The following SWAP70 variants were observed in gnomAD, a reference collection of about 807,000 sequenced individuals.
SWAP70 encodes switch-associated protein 70.
In SWAP70, 34 loss-of-function variants were observed where a neutral mutation model predicts 80.2. The ratio of observed to expected loss-of-function variants is 0.42; its 90% CI spans 0.32 to 0.56. The LOEUF (loss-of-function observed/expected upper bound fraction) is 0.56. Ranked by LOEUF, SWAP70 falls within the 20% of genes least tolerant of loss-of-function variation. The pLI is 0.09. For missense variants in SWAP70, 578 were observed against 690.7 expected, an observed-to-expected ratio of 0.84 and a Z score of 1.83; for synonymous variants, 239 against 238.5, an observed-to-expected ratio of 1.00 and a Z score of -0.02.
At chr11:9,679,299 G>T (rs1269252432) in intron 1 of SWAP70, among the ~76,000 whole-genome samples, 1 of 152,208 alleles carries the variant, frequency 6.6e-6, no homozygotes, top group African/African-American at 2.4e-5. Context: ...CGCTAGTTAG[G>T]ATGAAAGTTG....
intron 2 of SWAP70, among the ~76,000 whole-genome samples, chr11:9,704,640 G>C (rs1452399435): frequency 6.6e-6 from 1 of 152,106 alleles, no homozygotes. Flanking sequence ...TCATCTGCCT[G>C]CCTTGGACTC....
chr11:9,695,449 A>T (rs2134449182), intron 2 of SWAP70, among the ~76,000 whole-genome samples: 1 of 152,244 alleles, frequency 6.6e-6, no homozygotes, highest in South Asian at 2.1e-4. Flanking sequence ...CCTAAAAAAG[A>T]GTGAGATCAT....
chr11:9,680,298 C>T (rs1850551278), intron 1 of SWAP70, among the ~76,000 whole-genome samples: 1 of 152,156 alleles, frequency 6.6e-6, no homozygotes, highest in African/African-American at 2.4e-5. Context: ...AGCCAGTAGC[C>T]ACGTTTGGCT....
intron 2 of SWAP70, among the ~76,000 whole-genome samples, chr11:9,713,199 C>T (rs1266740444): frequency 6.6e-6 from 1 of 152,190 alleles, no homozygotes; most frequent in East Asian, 1.9e-4. Flanking sequence ...AGTGTGTACA[C>T]ATGAAACGGT....
chr11:9,681,610 G>A (rs915693329), intron 1 of SWAP70, among the ~76,000 whole-genome samples: 4 of 152,182 alleles, frequency 2.6e-5, no homozygotes, highest in African/African-American at 7.2e-5. Flanking sequence ...GTTGGTGAGT[G>A]TGGGTCAGTA....
rs1205306684 is a variant in SWAP70 at position 9,725,551 on chromosome 11, ATATATATATATATATATATTT to A, written c.642+668_642+688del. On this transcript the variant is annotated intron_variant, in intron 4 of 11. Transcript: ENST00000318950. ...ACAAAATATATATATATATATATATATATATATATATATATATATTTTTTTTTTTTTTTTTTTCCAAGACGG... is the reference window on the plus strand; with the variant it reads ...ACAAAATATATATATATATATATATATTTTTTTTTTTTTTTTCCAAGACGG... 9.2e-3 allele frequency among the ~76,000 whole-genome samples: 509 copies of A among 55,172 alleles called. 16 individuals are homozygous for A. The highest frequency in any genetic ancestry group is 0.014 in the African/African-American group (167 of 12,310). 36.2% of individuals were successfully genotyped at this position (55,172 alleles called of 152,430 possible). A position where few individuals can be genotyped will look rare whatever the true frequency, so the allele number is the denominator to read the frequency against.
chr11:9,672,099 TTATAA>T (rs918348915), intron 1 of SWAP70, among the ~76,000 whole-genome samples: 46 of 128,040 alleles, frequency 3.6e-4, no homozygotes, highest in Non-Finnish European at 4.9e-4. Flanking sequence ...TTAAATATAA[TTATAA>T]TATAATATAA....
rs951775673 is a variant in SWAP70 at position 9,732,717 on chromosome 11, A to C, written c.1080+7A>C. ...GCTGGAGGCCGTGCGGAAGGTGGGA[A>C]TGGGCGCTGGGCTGGGAGAGGGCCC... On this transcript the variant is annotated splice_region_variant and intron_variant, in intron 7 of 11. Transcript: ENST00000318950. 1 of 1,543,366 alleles carries C rather than the reference A, an allele frequency of 6.5e-7. No individual in the cohort carries two copies.
chr11:9,732,839 G>C (rs1851318099), intron 7 of SWAP70, 129 bp downstream of exon 7: 7 of 854,686 alleles, frequency 8.2e-6, no homozygotes, highest in Non-Finnish European at 1.2e-5. Flanking sequence ...GTGGTGAACT[G>C]TTCTCAGAAG....
intron 1 of SWAP70, among the ~76,000 whole-genome samples, chr11:9,675,320 CGAGA>C (rs111414369): frequency 6.4e-5 from 2 of 31,490 alleles, no homozygotes; most frequent in African/African-American, 1.3e-4. Context: ...AGAGAGGGAG[CGAGA>C]GAGAGAGAGA....
intron 1 of SWAP70, among the ~76,000 whole-genome samples, chr11:9,686,344 C>CCTATTTATTTATTTAT (rs1850631779): frequency 7.0e-6 from 1 of 143,830 alleles, no homozygotes. Flanking sequence ...CTTTTATTTT[C>CCTATTTATTTATTTAT]TTATTTATTT....
At chr11:9,667,720 G>A (rs1441393950) in intron 1 of SWAP70, among the ~76,000 whole-genome samples, 2 of 152,010 alleles carry the variant, frequency 1.3e-5, no homozygotes, top group Middle Eastern at 3.4e-3. Context: ...AGGCCACTAT[G>A]CCCAGCTAAT....
intron 7 of SWAP70, 65 bp from the exon 8 acceptor site, chr11:9,738,148 C>T: frequency 8.9e-7 from 1 of 1,119,798 alleles, no homozygotes; most frequent in Admixed American, 2.8e-5. Flanking sequence ...ATGACTGTCT[C>T]TCTCTCTTTA....
intron 1 of SWAP70, among the ~76,000 whole-genome samples, chr11:9,687,249 A>T (rs1308597402): frequency 6.6e-6 from 1 of 152,232 alleles, no homozygotes; most frequent in Non-Finnish European, 1.5e-5. Context: ...CACAATAACC[A>T]TATTTAAAGG....
At chr11:9,675,646 C>T (rs920258404) in intron 1 of SWAP70, among the ~76,000 whole-genome samples, 1 of 151,930 alleles carries the variant, frequency 6.6e-6, no homozygotes, top group African/African-American at 2.4e-5. Flanking sequence ...AGCCCTCCTC[C>T]GCACACCACC....
At chr11:9,705,639 TA>T (rs566882186) in intron 2 of SWAP70, among the ~76,000 whole-genome samples, 1,796 of 143,888 alleles carry the variant, frequency 0.012, 239 homozygotes, top group African/African-American at 0.048. Flanking sequence ...GTGATCTGTA[TA>T]CACTTGGTGA....
At position 9,713,480 on chromosome 11, in the gene SWAP70, T is replaced by G; in HGVS notation, c.255T>G (p.Phe85Leu). The G allele has an allele frequency of 6.2e-7, 1 of 1,612,014 alleles. No individual in the cohort carries two copies. The highest frequency in any genetic ancestry group is 8.5e-7 in the Non-Finnish European group (1 of 1,179,348). Residue 85 changes from phenylalanine to leucine, a missense_variant, in exon 3 of 12, where the codon TTT (phenylalanine) becomes TTG (leucine). Phe to Leu is a conservative substitution (Grantham distance 22, BLOSUM62 0). Coordinates refer to ENST00000318950, the MANE Select transcript of SWAP70 (RefSeq NM_015055.4). ...RFILEKVQDN[F>L]DKIEFNRMCW... is the part of the protein sequence containing the mutation. ...TTCCTTTTTAGGTCCAAGACAACTTTGACAAGATTGAATTCAATAGGATGT... is the reference window on the plus strand; with the variant it reads ...TTCCTTTTTAGGTCCAAGACAACTTGGACAAGATTGAATTCAATAGGATGT...
chr11:9,742,884 CTTTT>C (rs56710904), intron 9 of SWAP70, among the ~76,000 whole-genome samples: 3,367 of 140,940 alleles, frequency 0.024, 148 homozygotes, highest in African/African-American at 0.083. Flanking sequence ...CTTCTCACTC[CTTTT>C]TTTTTTTTTT....
At chr11:9,735,501 T>A (rs945468291) in intron 7 of SWAP70, among the ~76,000 whole-genome samples, 2 of 152,218 alleles carry the variant, frequency 1.3e-5, no homozygotes, top group African/African-American at 4.8e-5. Context: ...TGTTCATACA[T>A]GTTCTGATAT....
Sources: gnomAD v4.1 joint callset for allele counts (sites outside exome capture counted in the v4.1 genomes callset) on GRCh38, gnomAD v4.1.1 for gene constraint, MANE v1.5 for transcripts, NCBI Gene and HGNC (gene_info 2026-07-23, HGNC 2026-07-21) for gene names.